MRTFB: variants seen among roughly 807,000 people sequenced by gnomAD.
MRTFB encodes myocardin related transcription factor B.
A neutral mutation model predicts 104.2 loss-of-function variants in MRTFB; 29 were observed. The ratio of observed to expected loss-of-function variants is 0.28; its 90% CI spans 0.21 to 0.38. The LOEUF is 0.38. Among genes scored for constraint, MRTFB ranks in the 10% least tolerant of loss-of-function variants. MRTFB has a pLI of 1.00. For synonymous variants in MRTFB, 535 were observed against 519.5 expected (o/e 1.03, Z -0.41); for missense variants, 1,270 against 1,341.6 (o/e 0.95, Z 0.83).
At chr16:14,216,475 A>G (rs1480473704) in intron 6 of MRTFB, among the ~76,000 whole-genome samples, 1 of 152,242 alleles carries the variant, frequency 6.6e-6, no homozygotes, top group Non-Finnish European at 1.5e-5. Flanking sequence ...TTATAGTTTT[A>G]CATTGGTTGT....
intron 8 of MRTFB, among the ~76,000 whole-genome samples, chr16:14,223,661 TGA>T (rs1179101394): frequency 1.3e-5 from 2 of 152,012 alleles, no homozygotes; most frequent in Non-Finnish European, 2.9e-5. Context: ...GATTTGAAAT[TGA>T]GTCTGAAGAC....
At chr16:14,037,717 A>G in the MRTFB span, among the ~76,000 whole-genome samples, 2 of 152,160 alleles carry the variant, frequency 1.3e-5, no homozygotes, top group Non-Finnish European at 2.9e-5. Context: ...TTAAGGAGAA[A>G]CCTTAAGTGC....
chr16:14,255,471 T>A (rs1338090231), intron 15 of MRTFB, among the ~76,000 whole-genome samples: 1 of 152,264 alleles, frequency 6.6e-6, no homozygotes, highest in Non-Finnish European at 1.5e-5. Context: ...ACAGCACGTT[T>A]AGAAGTTTTT....
At position 14,186,908 on chromosome 16, in the gene MRTFB, T is replaced by A. The variant is rs2039973781; in HGVS notation, c.155-23335T>A. ...TTGATGCTGCCTGTCTTCAGAAGCCTCTCACCATGATCGATAGCTCCAAGA... is the reference window on the plus strand; with the variant it reads ...TTGATGCTGCCTGTCTTCAGAAGCCACTCACCATGATCGATAGCTCCAAGA... On this transcript the variant is annotated intron_variant, in intron 3 of 16. Coordinates refer to ENST00000571589, the MANE Select transcript of MRTFB (RefSeq NM_001308142.2). 2.5e-6 allele frequency: 4 copies of A among 1,598,190 alleles called. No individual in the cohort carries two copies. In the African/African-American group the frequency reaches 4.0e-5, roughly 16 times the overall value.
chr16:14,196,964 C>CTTT (rs35259229), intron 3 of MRTFB, among the ~76,000 whole-genome samples: 154 of 103,170 alleles, frequency 1.5e-3, no homozygotes, highest in Admixed American at 2.1e-3. Context: ...TCTCTTTTTT[C>CTTT]TTTTTTTTTT....
At chr16:14,182,913 AT>A (rs796175371) in intron 3 of MRTFB, among the ~76,000 whole-genome samples, 22 of 151,936 alleles carry the variant, frequency 1.4e-4, no homozygotes, top group African/African-American at 3.6e-4. Flanking sequence ...TGTAAAGAGA[AT>A]TTTTTTTTCT....
intron 3 of MRTFB, among the ~76,000 whole-genome samples, chr16:14,199,122 C>T (rs913696377): frequency 1.5e-4 from 23 of 152,210 alleles, no homozygotes; most frequent in African/African-American, 5.3e-4. Context: ...TTACATCCAT[C>T]ACTTTACAAA....
At chr16:14,061,566 C>CTT in the MRTFB span, among the ~76,000 whole-genome samples, 3,947 of 102,534 alleles carry the variant, frequency 0.038, 206 homozygotes, top group East Asian at 0.24. Flanking sequence ...TCAAGGTCAT[C>CTT]TTTTTTTTTT....
chr16:14,016,855 G>T, the MRTFB span, among the ~76,000 whole-genome samples: 1 of 149,970 alleles, frequency 6.7e-6, no homozygotes, highest in African/African-American at 2.5e-5. Context: ...ATTGGCTCCA[G>T]ATGTGAACAT....
intron 3 of MRTFB, chr16:14,186,711 A>C: frequency 7.1e-7 from 1 of 1,400,368 alleles, no homozygotes. Context: ...TTCCAGCGGC[A>C]TGAGTGTATT....
intron 3 of MRTFB, among the ~76,000 whole-genome samples, chr16:14,157,604 C>G (rs887805128): frequency 1.4e-4 from 22 of 152,126 alleles, no homozygotes; most frequent in Admixed American, 2.6e-4. Flanking sequence ...ATGGGAATCT[C>G]TAGTAGTGGG....
chr16:14,212,430 A>G (rs2041232527), intron 5 of MRTFB, 21 bp downstream of exon 5: 1 of 1,610,618 alleles, frequency 6.2e-7, no homozygotes, highest in African/African-American at 1.3e-5. Flanking sequence ...TCACTTTAAA[A>G]TGTTCTACTT....
In MRTFB at chr16:14,171,890, A is replaced by G. The variant is rs75456680; in HGVS notation, c.154+31130A>G. Among the ~76,000 whole-genome samples, 1,135 of 152,326 alleles carry G rather than the reference A, an allele frequency of 7.5e-3. 13 individuals are homozygous for G. Among genetic ancestry groups the G allele is most frequent in the African/African-American group, 0.024 (1,008 of 41,566 alleles). ...TTCATATCCTTTTTGGTTTTAGCCT[A>G]CAGGTATATAGTCAAAATCTGTATT... is the stretch of plus-strand genomic sequence containing the variant. On this transcript the variant is annotated intron_variant, in intron 3 of 16. Coordinates refer to ENST00000571589, the MANE Select transcript of MRTFB (RefSeq NM_001308142.2).
chr16:14,181,953 C>G (rs2039784890), intron 3 of MRTFB, among the ~76,000 whole-genome samples: 1 of 152,286 alleles, frequency 6.6e-6, no homozygotes, highest in East Asian at 1.9e-4. Flanking sequence ...TAAAAGAGCT[C>G]TTTTCAGTGT....
chr16:14,055,978 T>C, the MRTFB span, among the ~76,000 whole-genome samples: 1 of 152,094 alleles, frequency 6.6e-6, no homozygotes, highest in Non-Finnish European at 1.5e-5. Flanking sequence ...TTATTAATTG[T>C]TTTGTTTGTT....
chr16:14,146,131 CT>C (rs1427159930), intron 3 of MRTFB, among the ~76,000 whole-genome samples: 1 of 152,210 alleles, frequency 6.6e-6, no homozygotes, highest in Non-Finnish European at 1.5e-5. Flanking sequence ...TATTTTAATA[CT>C]TTATGGTATG....
At chr16:14,255,314 C>G (rs1199195846) in intron 15 of MRTFB, among the ~76,000 whole-genome samples, 1 of 152,200 alleles carries the variant, frequency 6.6e-6, no homozygotes. Context: ...GATAAACAAG[C>G]TGGATAAATC....
intron 3 of MRTFB, among the ~76,000 whole-genome samples, chr16:14,158,834 G>A (rs972196887): frequency 1.3e-5 from 2 of 152,086 alleles, no homozygotes; most frequent in Non-Finnish European, 2.9e-5. Flanking sequence ...GCTATATAAA[G>A]TTTATTCATG....
chr16:14,188,678 G>C (rs981746600), intron 3 of MRTFB, among the ~76,000 whole-genome samples: 1 of 152,064 alleles, frequency 6.6e-6, no homozygotes, highest in Non-Finnish European at 1.5e-5. Context: ...ACCATTTACC[G>C]GGTCTGTGAT....
Sources: gnomAD v4.1 joint callset for allele counts (sites outside exome capture counted in the v4.1 genomes callset) on GRCh38, gnomAD v4.1.1 for gene constraint, MANE v1.5 for transcripts, NCBI Gene and HGNC (gene_info 2026-07-23, HGNC 2026-07-21) for gene names.